Variants in NRF1 observed in about 807,000 individuals in gnomAD.
NRF1 encodes alpha palindromic-binding protein.
In NRF1, 5 loss-of-function variants were observed where a neutral mutation model predicts 58.5. The ratio of observed to expected loss-of-function variants is 0.09; its 90% CI spans 0.04 to 0.18. The LOEUF (loss-of-function observed/expected upper bound fraction) is 0.18, where lower values mean the gene tolerates loss of function less well. Among genes scored for constraint, NRF1 ranks in the 10% least tolerant of loss-of-function variants. The pLI is 1.00. For synonymous variants in NRF1, 224 were observed against 246.7 expected (o/e 0.91, Z 0.86); for missense variants, 288 against 657.7 (o/e 0.44, Z 6.15).
At chr7:129,743,397 G>C (rs1803894425) in intron 10 of NRF1, among the ~76,000 whole-genome samples, 1 of 152,172 alleles carries the variant, frequency 6.6e-6, no homozygotes, top group Admixed American at 6.5e-5. Context: ...GCATTGTGTG[G>C]ACAATGCTGC....
chr7:129,641,291 TATTA>T (rs1190797860), intron 1 of NRF1, among the ~76,000 whole-genome samples: 1 of 152,232 alleles, frequency 6.6e-6, no homozygotes, highest in Non-Finnish European at 1.5e-5. Flanking sequence ...GAAAGTCATT[TATTA>T]ATTATCTTTA....
At chr7:129,651,660 G>A (rs1801538658) in intron 1 of NRF1, among the ~76,000 whole-genome samples, 2 of 152,096 alleles carry the variant, frequency 1.3e-5, no homozygotes, top group African/African-American at 2.4e-5. Flanking sequence ...TAATTCTGAA[G>A]TACCCAGAAT....
At chr7:129,694,699 CTT>C (rs1024096065) in intron 5 of NRF1, among the ~76,000 whole-genome samples, 2 of 152,094 alleles carry the variant, frequency 1.3e-5, no homozygotes, top group Admixed American at 6.6e-5. Flanking sequence ...ATCCTAAAGA[CTT>C]TCACTATTAA....
chr7:129,702,654 T>C (rs1333457422), intron 5 of NRF1, among the ~76,000 whole-genome samples: 2 of 152,358 alleles, frequency 1.3e-5, no homozygotes, highest in East Asian at 3.9e-4. Context: ...GTAATAATTT[T>C]AAGTTAAAGT....
chr7:129,697,742 T>TTTTTG (rs2116145534), intron 5 of NRF1, among the ~76,000 whole-genome samples: 1 of 152,062 alleles, frequency 6.6e-6, no homozygotes, highest in Admixed American at 6.6e-5. Context: ...TTTGTTTTTG[T>TTTTTG]TTTTGTTTTT....
chr7:129,744,376 C>A, intron 10 of NRF1: 1 of 588,010 alleles, frequency 1.7e-6, no homozygotes, highest in South Asian at 2.2e-5. Flanking sequence ...TTTTAGTAAC[C>A]ATTGATTCCA....
chr7:129,689,697 G>T (rs376764961), intron 4 of NRF1, among the ~76,000 whole-genome samples: 19 of 152,174 alleles, frequency 1.2e-4, no homozygotes, highest in East Asian at 1.2e-3. Flanking sequence ...TGCAGACAAC[G>T]AACAACAATA....
chr7:129,744,936 TG>T (rs140830308), intron 10 of NRF1, among the ~76,000 whole-genome samples: 1 of 152,030 alleles, frequency 6.6e-6, no homozygotes, highest in African/African-American at 2.4e-5. Context: ...GACAGGCACA[TG>T]GGGGTTCATT....
chr7:129,663,352 G>A (rs1801832149), intron 2 of NRF1, among the ~76,000 whole-genome samples: 1 of 151,496 alleles, frequency 6.6e-6, no homozygotes, highest in African/African-American at 2.4e-5. Context: ...GCCGGGCAGA[G>A]GCGCACCTCA....
At chr7:129,673,430 T>G (rs547667450) in intron 3 of NRF1, among the ~76,000 whole-genome samples, 2 of 152,328 alleles carry the variant, frequency 1.3e-5, no homozygotes, top group South Asian at 4.1e-4. Context: ...TTACTATATT[T>G]TAAAAAGCTG....
intron 4 of NRF1, among the ~76,000 whole-genome samples, chr7:129,680,004 G>T (rs778560597): frequency 6.6e-6 from 1 of 151,898 alleles, no homozygotes; most frequent in Non-Finnish European, 1.5e-5. Context: ...GTTGCAGTGA[G>T]CCCAGATCAC....
At chr7:129,633,484 A>G (rs895803160) in intron 1 of NRF1, 5 of 152,174 alleles carry the variant, frequency 3.3e-5, no homozygotes, top group Admixed American at 3.3e-4. Flanking sequence ...TTAGATCTTT[A>G]TTAACATGCT....
intron 10 of NRF1, among the ~76,000 whole-genome samples, chr7:129,753,526 TC>T (rs1305187401): frequency 1.3e-5 from 2 of 152,246 alleles, no homozygotes; most frequent in Non-Finnish European, 1.5e-5. Flanking sequence ...CCTTTTTTCC[TC>T]ATTCACTGTA....
chr7:129,671,598 A>T (rs1157751438), intron 3 of NRF1, 55 bp downstream of exon 3: 6 of 965,880 alleles, frequency 6.2e-6, no homozygotes, highest in Non-Finnish European at 1.0e-5. Context: ...CCTGTGGATG[A>T]CAGACTTAGA....
chr7:129,752,701 AAAAT>A (rs1230781711), intron 10 of NRF1, among the ~76,000 whole-genome samples: 3 of 152,214 alleles, frequency 2.0e-5, no homozygotes, highest in African/African-American at 4.8e-5. Flanking sequence ...AAAAAAATAA[AAAAT>A]AAATAATAAT....
In NRF1 at chr7:129,696,021, G is replaced by A. The variant is rs180940487; in HGVS notation, c.606+5475G>A. On this transcript the variant is annotated intron_variant, in intron 5 of 10. Transcript: ENST00000393232. ...GTGGATCACCTGAGGTCAGGAGTTCGAGACCAGCCTGACCAACATGGATAA... is the reference window on the plus strand; with the variant it reads ...GTGGATCACCTGAGGTCAGGAGTTCAAGACCAGCCTGACCAACATGGATAA... 5.7e-4 allele frequency among the ~76,000 whole-genome samples: 74 copies of A among 130,318 alleles called. 1 individual carries two copies. The East Asian group carries it at 0.014, about 24-fold the overall frequency. 85.5% of individuals were successfully genotyped at this position (130,318 alleles called of 152,430 possible). A position where few individuals can be genotyped will look rare whatever the true frequency, so the allele number is the denominator to read the frequency against.
At chr7:129,648,457 T>G (rs1801461833) in intron 1 of NRF1, among the ~76,000 whole-genome samples, 1 of 151,830 alleles carries the variant, frequency 6.6e-6, no homozygotes, top group Admixed American at 6.6e-5. Flanking sequence ...CTTTTTGTAT[T>G]TTTAGTAGAG....
chr7:129,617,744 A>G (rs1436525271), intron 1 of NRF1, among the ~76,000 whole-genome samples: 1 of 152,162 alleles, frequency 6.6e-6, no homozygotes, highest in East Asian at 1.9e-4. Flanking sequence ...GGAGAGGAGA[A>G]TGATACACAG....
chr7:129,713,024 C>T (rs1197893660), intron 8 of NRF1, among the ~76,000 whole-genome samples: 2 of 151,218 alleles, frequency 1.3e-5, no homozygotes, highest in South Asian at 2.1e-4. Flanking sequence ...AAAGTAACTT[C>T]GTTTCCTTCT....
Sources: allele counts gnomAD v4.1 joint callset (sites outside exome capture counted in the v4.1 genomes callset), GRCh38; gene constraint gnomAD v4.1.1; transcripts MANE v1.5; gene names NCBI Gene and HGNC (gene_info 2026-07-23, HGNC 2026-07-21).